Variants in KDM2A observed in about 807,000 individuals in gnomAD.
The protein encoded by KDM2A is lysine-specific demethylase 2A.
A neutral mutation model predicts 137.3 loss-of-function variants in KDM2A; 3 were observed. The ratio of observed to expected loss-of-function variants is 0.02; its 90% confidence interval spans 0.01 to 0.06. KDM2A has a LOEUF of 0.06. Ranked by LOEUF, KDM2A falls within the 10% of genes least tolerant of loss-of-function variation. The pLI, the probability that KDM2A is intolerant of heterozygous loss-of-function variation, is 1.00. For synonymous variants in KDM2A, 512 were observed against 541.5 expected, an observed-to-expected ratio of 0.95 and a Z score of 0.76; for missense variants, 738 against 1,510.6, an observed-to-expected ratio of 0.49 and a Z score of 8.48.
chr11:67,140,568 A>G (rs1444218205), intron 2 of KDM2A, among the ~76,000 whole-genome samples: 2 of 152,060 alleles, frequency 1.3e-5, no homozygotes, highest in Non-Finnish European at 2.9e-5. Context: ...CCTGGCCAAC[A>G]TGGTGAAACC....
intron 1 of KDM2A, 37 bp from the exon 2 acceptor site, chr11:67,121,191 TTGAGAA>T (rs2136273925): frequency 1.4e-6 from 1 of 712,468 alleles, no homozygotes; most frequent in South Asian, 1.7e-5. Context: ...AAGCACAAGT[TTGAGAA>T]TGAGTTCTCA....
chr11:67,247,067 ATATATTTTTT>A (rs1859260142), intron 15 of KDM2A, among the ~76,000 whole-genome samples: 3 of 27,516 alleles, frequency 1.1e-4, no homozygotes, highest in East Asian at 8.2e-4. Flanking sequence ...ATATATATAT[ATATATTTTTT>A]TTTTTTTTTT....
intron 2 of KDM2A, among the ~76,000 whole-genome samples, chr11:67,154,954 A>T (rs1023746341): frequency 2.6e-5 from 4 of 152,182 alleles, no homozygotes; most frequent in African/African-American, 9.7e-5. Flanking sequence ...CCTTTTAGCT[A>T]CTGTGAATAG....
At chr11:67,240,471 TC>T in intron 12 of KDM2A, 1 of 932,962 alleles carries the variant, frequency 1.1e-6, no homozygotes, top group Non-Finnish European at 1.6e-6. Context: ...GCCGGGCGAG[TC>T]CAGGACAATG....
chr11:67,163,797 A>G (rs1856686233), intron 2 of KDM2A, among the ~76,000 whole-genome samples: 1 of 151,870 alleles, frequency 6.6e-6, no homozygotes, highest in Admixed American at 6.6e-5. Flanking sequence ...CGGAGGTTGC[A>G]GTGAGCCGAG....
At chr11:67,132,975 A>T (rs776553480) in intron 2 of KDM2A, among the ~76,000 whole-genome samples, 7 of 152,236 alleles carry the variant, frequency 4.6e-5, no homozygotes, top group Non-Finnish European at 7.3e-5. Flanking sequence ...TTGGCAGTGA[A>T]GGACTGACTA....
At chr11:67,128,320 G>A (rs767460351) in intron 2 of KDM2A, among the ~76,000 whole-genome samples, 2 of 151,736 alleles carry the variant, frequency 1.3e-5, no homozygotes, top group African/African-American at 2.4e-5. Context: ...GCCTGGACCC[G>A]TTCCCACTCT....
At chr11:67,138,012 A>G (rs1856005748) in intron 2 of KDM2A, among the ~76,000 whole-genome samples, 1 of 152,032 alleles carries the variant, frequency 6.6e-6, no homozygotes, top group South Asian at 2.1e-4. Context: ...TGGCCAGGAT[A>G]ATCTCTATCT....
At chr11:67,202,635 G>T (rs1231654203) in intron 5 of KDM2A, among the ~76,000 whole-genome samples, 1 of 151,322 alleles carries the variant, frequency 6.6e-6, no homozygotes, top group Admixed American at 6.6e-5. Flanking sequence ...AACTAGCCAG[G>T]CATGGTGGCA....
intron 2 of KDM2A, among the ~76,000 whole-genome samples, chr11:67,161,685 G>C (rs773728925): frequency 6.6e-6 from 1 of 152,136 alleles, no homozygotes; most frequent in Non-Finnish European, 1.5e-5. Context: ...TTCTCAACAT[G>C]TGGTCTGGGG....
chr11:67,198,643 G>C (rs937626883), intron 5 of KDM2A, among the ~76,000 whole-genome samples: 1 of 151,008 alleles, frequency 6.6e-6, no homozygotes, highest in African/African-American at 2.4e-5. Flanking sequence ...CCGGAAGGCG[G>C]AGGTTGCAGT....
chr11:67,215,500 A>G (rs1008182756), intron 7 of KDM2A, 54 bp downstream of exon 7: 3 of 1,163,580 alleles, frequency 2.6e-6, no homozygotes, highest in Non-Finnish European at 2.6e-6. Context: ...CCAAAGCAAT[A>G]GCAAGGATTG....
chr11:67,132,897 A>C (rs1245681338), intron 2 of KDM2A, among the ~76,000 whole-genome samples: 8 of 152,298 alleles, frequency 5.3e-5, no homozygotes, highest in Non-Finnish European at 7.3e-5. Context: ...TGATCCACGC[A>C]AAAGTTTGAG....
At chr11:67,165,185 G>C (rs942325125) in intron 2 of KDM2A, among the ~76,000 whole-genome samples, 1 of 151,594 alleles carries the variant, frequency 6.6e-6, no homozygotes, top group Non-Finnish European at 1.5e-5. Flanking sequence ...GCAGTGGCGC[G>C]ATCTTGGCTC....
intron 2 of KDM2A, among the ~76,000 whole-genome samples, chr11:67,131,142 T>C (rs933104839): frequency 6.6e-6 from 1 of 151,980 alleles, no homozygotes; most frequent in African/African-American, 2.4e-5. Context: ...CTGGCCAACA[T>C]GACGAAACCC....
At chr11:67,248,055 C>G (rs1859303471) in intron 15 of KDM2A, among the ~76,000 whole-genome samples, 1 of 152,180 alleles carries the variant, frequency 6.6e-6, no homozygotes, top group African/African-American at 2.4e-5. Context: ...AACACTGAGT[C>G]ACAGAGACTA....
chr11:67,151,220 T>C (rs1464462623), intron 2 of KDM2A, among the ~76,000 whole-genome samples: 1 of 152,188 alleles, frequency 6.6e-6, no homozygotes, highest in African/African-American at 2.4e-5. Context: ...TTGGTTCTGC[T>C]GCTGCTTCCA....
intron 2 of KDM2A, among the ~76,000 whole-genome samples, chr11:67,125,177 T>TTTC (rs1223896661): frequency 6.6e-6 from 1 of 151,452 alleles, no homozygotes; most frequent in Non-Finnish European, 1.5e-5. Context: ...GAACTTTCTT[T>TTTC]TTTTTTTTTC....
intron 2 of KDM2A, among the ~76,000 whole-genome samples, chr11:67,122,603 G>A (rs1176322780): frequency 1.3e-5 from 2 of 151,852 alleles, no homozygotes; most frequent in Non-Finnish European, 2.9e-5. Flanking sequence ...GATTACAGAC[G>A]TGAGCCACCG....
Sources: allele counts gnomAD v4.1 joint callset (sites outside exome capture counted in the v4.1 genomes callset), GRCh38; gene constraint gnomAD v4.1.1; transcripts MANE v1.5; gene names NCBI Gene and HGNC (gene_info 2026-07-23, HGNC 2026-07-21).